Variants in TXNDC16 observed in about 807,000 individuals in gnomAD.
The protein encoded by TXNDC16 is thioredoxin domain-containing protein 16.
Under a neutral mutation model 85.6 loss-of-function variants are expected in TXNDC16, and 74 were observed. That is an observed-to-expected ratio of 0.86 (90% CI 0.72 to 1.05). The LOEUF (loss-of-function observed/expected upper bound fraction) is 1.05, where lower values mean the gene tolerates loss of function less well. Among genes scored for constraint, TXNDC16 ranks in the 50% least tolerant of loss-of-function variants. The pLI is 0.00. For missense variants in TXNDC16, 959 were observed against 947.0 expected (o/e 1.01, Z -0.17); for synonymous variants, 335 against 326.5 (o/e 1.03, Z -0.28).
rs1173900671 is a variant in TXNDC16 at position 52,457,255 on chromosome 14, GGTA to G, written c.1619-84_1619-82del. The G allele has an allele frequency of 1.3e-5, 9 of 705,466 alleles. No individual in the cohort carries two copies. In the African/African-American group the frequency reaches 1.7e-4, roughly 13 times the overall value. The allele number at this position is 705,466 out of a possible 1,614,324, so 43.7% of individuals were successfully genotyped here. A position where few individuals can be genotyped will look rare whatever the true frequency, so the allele number is the denominator to read the frequency against. On this transcript the variant is annotated intron_variant, in intron 16 of 20. Coordinates refer to ENST00000281741, the MANE Select transcript of TXNDC16 (RefSeq NM_020784.3). Reference sequence around the variant, plus strand: ...TCAACTGATGAAGAGATTTATAGGTGGTAGTATTTCATTATTAATTAATTACAA... The same window carrying G: ...TCAACTGATGAAGAGATTTATAGGTGGTATTTCATTATTAATTAATTACAA...
chr14:52,441,203 A>T (rs2035157048), intron 18 of TXNDC16, among the ~76,000 whole-genome samples: 1 of 152,236 alleles, frequency 6.6e-6, no homozygotes, highest in Admixed American at 6.5e-5. Context: ...AATAACCAAA[A>T]ATATGCTAAA....
At chr14:52,499,647 C>T (rs554963366) in intron 9 of TXNDC16, among the ~76,000 whole-genome samples, 26 of 150,612 alleles carry the variant, frequency 1.7e-4, no homozygotes, top group African/African-American at 5.3e-4. Context: ...GAATGACAAA[C>T]GTTGGTGAAG....
At chr14:52,551,948 GCTTCCCCCT>G (rs1566595526) in intron 1 of TXNDC16, among the ~76,000 whole-genome samples, 3 of 118,558 alleles carry the variant, frequency 2.5e-5, no homozygotes, top group Non-Finnish European at 4.1e-5. Context: ...GAAAGAACCA[GCTTCCCCCT>G]GCTCACAGAT....
intron 19 of TXNDC16, among the ~76,000 whole-genome samples, chr14:52,439,605 T>C (rs1189596639): frequency 3.3e-5 from 5 of 152,190 alleles, no homozygotes; most frequent in African/African-American, 1.2e-4. Flanking sequence ...TTTGTTTCAC[T>C]TGGGAGAAAA....
At chr14:52,435,468 T>A (rs2035004519) in intron 20 of TXNDC16, among the ~76,000 whole-genome samples, 1 of 152,088 alleles carries the variant, frequency 6.6e-6, no homozygotes, top group Non-Finnish European at 1.5e-5. Flanking sequence ...CCCTATACCA[T>A]GTGGTGAGAA....
intron 14 of TXNDC16, among the ~76,000 whole-genome samples, chr14:52,471,323 G>A (rs79418341): frequency 0.087 from 13,152 of 152,046 alleles, 621 homozygotes; most frequent in East Asian, 0.14. Context: ...TCAAGTTGTC[G>A]TTCCTCCTGG....
At chr14:52,449,220 T>C (rs1159820494) in intron 18 of TXNDC16, among the ~76,000 whole-genome samples, 1 of 151,544 alleles carries the variant, frequency 6.6e-6, no homozygotes, top group Non-Finnish European at 1.5e-5. Flanking sequence ...TCACCTATAA[T>C]GATATACAAA....
intron 14 of TXNDC16, among the ~76,000 whole-genome samples, chr14:52,481,714 C>T (rs941282783): frequency 1.3e-5 from 2 of 152,066 alleles, no homozygotes; most frequent in African/African-American, 4.8e-5. Flanking sequence ...AAGTCCATTC[C>T]TTGGATCTTT....
intron 16 of TXNDC16, among the ~76,000 whole-genome samples, chr14:52,458,688 G>C (rs1369505697): frequency 1.3e-5 from 2 of 152,194 alleles, no homozygotes; most frequent in African/African-American, 2.4e-5. Context: ...TTCTAAGAGT[G>C]AACAGAGTGA....
intron 12 of TXNDC16, among the ~76,000 whole-genome samples, chr14:52,486,879 C>T (rs1391723914): frequency 6.6e-6 from 1 of 151,974 alleles, no homozygotes; most frequent in East Asian, 1.9e-4. Context: ...CACTCAATAC[C>T]CTGACCTGAT....
At chr14:52,485,857 G>A (rs965231413) in intron 12 of TXNDC16, among the ~76,000 whole-genome samples, 29 of 152,196 alleles carry the variant, frequency 1.9e-4, no homozygotes, top group Admixed American at 7.9e-4. Flanking sequence ...TATCCTCATC[G>A]TTAGGAGACA....
chr14:52,546,611 C>T (rs970737121), intron 1 of TXNDC16, among the ~76,000 whole-genome samples: 9 of 152,176 alleles, frequency 5.9e-5, no homozygotes, highest in African/African-American at 2.2e-4. Context: ...AGAGAAATGC[C>T]CAAATGCTGT....
Position 52,542,413 on chromosome 14 carries a change from C to T in TXNDC16, c.201G>A (p.Glu67=), listed in dbSNP as rs1399597100. 6.2e-7 allele frequency: 1 copy of T among 1,612,730 alleles called. No homozygotes were observed. Among genetic ancestry groups the T allele is most frequent in the Non-Finnish European group, 8.5e-7 (1 of 1,179,332 alleles). Residue 67 remains glutamate (E), a synonymous_variant, in exon 4 of 21, where the codon GAG becomes GAA. Coordinates refer to ENST00000281741, the MANE Select transcript of TXNDC16 (RefSeq NM_020784.3). ...RTSVFLEELN[E]AVRPLQDYGI... ...CATAGTCCTGCAGAGGTCTAACAGC[C>T]TCATTCAGTTCTTCAAGAAATACAG... is the stretch of plus-strand genomic sequence containing the variant.
rs1206927731 is a variant in TXNDC16 at position 52,490,835 on chromosome 14, A to C, written c.923+4T>G. On this transcript the variant is annotated splice_donor_region_variant and intron_variant, in intron 10 of 20. Transcript: ENST00000281741. ...ATATAGTAAATATTCGATGTTTAAG[A>C]TACCTTAACAAGAGTAGAACTCCTG... 1.2e-6 allele frequency: 2 copies of C among 1,603,216 alleles called. No homozygotes were observed. Among genetic ancestry groups the C allele is most frequent in the East Asian group, 4.5e-5 (2 of 44,834 alleles).
At position 52,470,082 on chromosome 14, in the gene TXNDC16, A is replaced by G. The variant is rs1566544687; in HGVS notation, c.1573T>C (p.Ser525Pro). 1 of 1,611,594 alleles carries G rather than the reference A, an allele frequency of 6.2e-7. No individual in the cohort carries two copies. ...GELYKDLILY[S>P]SVSVLGLFSP... is the part of the protein sequence containing the mutation. ...AATAGTCCCAATACTGACACACTAGAATACAAGATGAGGTCTTTATATAAT... is the reference window on the plus strand; with the variant it reads ...AATAGTCCCAATACTGACACACTAGGATACAAGATGAGGTCTTTATATAAT... The change falls in exon 16 of 21, where the codon TCT becomes CCT. Residue 525 changes from serine to proline, a missense_variant. Coordinates refer to ENST00000281741, the MANE Select transcript of TXNDC16 (RefSeq NM_020784.3).
chr14:52,488,802 C>T lies in TXNDC16; in HGVS notation c.985-316G>A, dbSNP rs1191366896. Among the ~76,000 whole-genome samples, 3 of 136,546 alleles carry T rather than the reference C, an allele frequency of 2.2e-5. No individual in the cohort carries two copies. The Admixed American group carries it at 2.4e-4, about 11-fold the overall frequency. The allele number at this position is 136,546 out of a possible 152,430, so 89.6% of individuals were successfully genotyped here. ...TGAGGCAAGATTGCACCACCACACT[C>T]CAGCCTGGGCGACAAGGCGAGACTC... On this transcript the variant is annotated intron_variant, in intron 11 of 20. Coordinates refer to ENST00000281741, the MANE Select transcript of TXNDC16 (RefSeq NM_020784.3).
intron 18 of TXNDC16, 108 bp from the exon 19 acceptor site, chr14:52,440,832 T>G: frequency 9.8e-7 from 1 of 1,019,862 alleles, no homozygotes; most frequent in Non-Finnish European, 1.4e-6. Context: ...AAAATGTAAT[T>G]CAAACACATT....
chr14:52,482,733 T>C, intron 13 of TXNDC16, 89 bp downstream of exon 13: 1 of 1,241,558 alleles, frequency 8.1e-7, no homozygotes, highest in Non-Finnish European at 1.1e-6. Flanking sequence ...AATTTCATTT[T>C]ACAACATGCA....
At position 52,440,808 on chromosome 14, in the gene TXNDC16, C is replaced by T; in HGVS notation, c.1843-84G>A. ...ACAGAAGACATTCAAATCACTCAGT[C>T]AATTTTAGTTTGTAAAATGTAATTC... is the stretch of plus-strand genomic sequence containing the variant. On this transcript the variant is annotated intron_variant, in intron 18 of 20. Transcript: ENST00000281741. 3 of 1,295,482 alleles carry T rather than the reference C, an allele frequency of 2.3e-6. No individual in the cohort carries two copies. In the South Asian group the frequency reaches 4.5e-5, roughly 19 times the overall value. 80.2% of individuals were successfully genotyped at this position (1,295,482 alleles called of 1,614,324 possible).
Sources: gnomAD v4.1 joint callset for allele counts (sites outside exome capture counted in the v4.1 genomes callset) on GRCh38, gnomAD v4.1.1 for gene constraint, MANE v1.5 for transcripts, NCBI Gene and HGNC (gene_info 2026-07-23, HGNC 2026-07-21) for gene names.